Variants in SYT10 observed in about 807,000 individuals in gnomAD.
SYT10 encodes synaptotagmin 10, also known as synaptotagmin-10.
SYT10 carries 31 observed loss-of-function variants against 51.1 expected under a neutral mutation model. The observed-to-expected ratio is 0.61, with a 90% CI of 0.46 to 0.82. The LOEUF (loss-of-function observed/expected upper bound fraction) is 0.82. Ranked by LOEUF, SYT10 falls within the 40% of genes least tolerant of loss-of-function variation. SYT10 has a pLI of 0.00. For missense variants in SYT10, 603 were observed against 634.0 expected, an observed-to-expected ratio of 0.95 and a Z score of 0.53; for synonymous variants, 233 against 225.9, an observed-to-expected ratio of 1.03 and a Z score of -0.28.
rs1056050029 is a variant in SYT10 at position 33,429,645 on chromosome 12, T to C, written c.152-3150A>G. Among the ~76,000 whole-genome samples the C allele has an allele frequency of 2.0e-5, 3 of 152,082 alleles. No homozygotes were observed. The East Asian group carries it at 5.8e-4, about 29-fold the overall frequency. On this transcript the variant is annotated intron_variant, in intron 1 of 6. Coordinates refer to ENST00000228567, the MANE Select transcript of SYT10 (RefSeq NM_198992.4). ...CAAAGGAGAGAGTGTATTGGGCAGA[T>C]AAAATGATGCATCATAAGTATGACG...
At chr12:33,432,543 C>A (rs1284384665) in intron 1 of SYT10, 1 of 152,036 alleles carries the variant, frequency 6.6e-6, no homozygotes, top group Non-Finnish European at 1.5e-5. Flanking sequence ...GTTAAAACCA[C>A]TTCTCAGGTA....
intron 1 of SYT10, 76 bp from the exon 2 acceptor site, chr12:33,426,571 T>C (rs1403184691): frequency 2.5e-6 from 3 of 1,198,078 alleles, no homozygotes; most frequent in African/African-American, 1.5e-5. Context: ...ATATTTTACA[T>C]CATAATTGTT....
At chr12:33,404,470 C>A (rs144281442) in intron 3 of SYT10, among the ~76,000 whole-genome samples, 1 of 152,100 alleles carries the variant, frequency 6.6e-6, no homozygotes, top group Non-Finnish European at 1.5e-5. Context: ...CAGCTCACTG[C>A]GACCTCCGCC....
intron 2 of SYT10, among the ~76,000 whole-genome samples, chr12:33,418,498 T>C (rs1866474151): frequency 1.3e-5 from 2 of 152,250 alleles, no homozygotes; most frequent in Non-Finnish European, 2.9e-5. Context: ...GGTTGCCCAC[T>C]GAACTTGTCC....
intron 1 of SYT10, among the ~76,000 whole-genome samples, chr12:33,435,583 A>G (rs1025357029): frequency 6.6e-6 from 1 of 152,340 alleles, no homozygotes; most frequent in East Asian, 1.9e-4. Flanking sequence ...ACAAGTCTCA[A>G]GGAAAAAATT....
At chr12:33,428,618 G>A (rs1000282256) in intron 1 of SYT10, among the ~76,000 whole-genome samples, 4 of 152,148 alleles carry the variant, frequency 2.6e-5, no homozygotes, top group African/African-American at 9.7e-5. Context: ...ATTAAGAAAC[G>A]ACTGGCGGCC....
At position 33,376,645 on chromosome 12, in the gene SYT10, C is replaced by A; in HGVS notation, c.*185G>T. The stretch of plus-strand genomic sequence containing the variant: ...TATGCAACTAAGGACTATATGTATT[C>A]AAGTAAAATGTATTGATGTTCAAAG... On this transcript the variant is annotated 3_prime_UTR_variant, in exon 7 of 7. Coordinates refer to ENST00000228567, the MANE Select transcript of SYT10 (RefSeq NM_198992.4). 1 of 638,638 alleles carries A rather than the reference C, an allele frequency of 1.6e-6. No individual in the cohort carries two copies. Among genetic ancestry groups the A allele is most frequent in the Non-Finnish European group, 2.7e-6 (1 of 375,054 alleles). 39.6% of individuals were successfully genotyped at this position (638,638 alleles called of 1,614,324 possible).
intron 3 of SYT10, among the ~76,000 whole-genome samples, chr12:33,401,453 C>T (rs190499841): frequency 1.8e-4 from 28 of 152,178 alleles, no homozygotes; most frequent in African/African-American, 6.5e-4. Flanking sequence ...GAAGATTCAC[C>T]TTTATTGTTT....
chr12:33,390,993 C>T (rs6488158), intron 3 of SYT10, among the ~76,000 whole-genome samples: 3,984 of 152,068 alleles, frequency 0.026, 68 homozygotes, highest in Non-Finnish European at 0.043. Context: ...GGCTGGAGTG[C>T]GGGCAAGATC....
At chr12:33,411,087 C>A (rs1030632315) in intron 2 of SYT10, among the ~76,000 whole-genome samples, 2 of 152,126 alleles carry the variant, frequency 1.3e-5, no homozygotes, top group African/African-American at 4.8e-5. Context: ...TAAGCAGGTG[C>A]TAAAATTAAA....
chr12:33,431,607 G>T (rs1011016945), intron 1 of SYT10, among the ~76,000 whole-genome samples: 5 of 152,012 alleles, frequency 3.3e-5, no homozygotes, highest in African/African-American at 1.2e-4. Flanking sequence ...TTGCATTTTT[G>T]AAATCAGAAT....
chr12:33,411,477 AT>A (rs1406780270), intron 2 of SYT10, among the ~76,000 whole-genome samples: 1 of 152,080 alleles, frequency 6.6e-6, no homozygotes, highest in East Asian at 1.9e-4. Flanking sequence ...GTTATGATAT[AT>A]TTTATTGGAA....
intron 4 of SYT10, 100 bp from the exon 5 acceptor site, chr12:33,382,620 G>T: frequency 9.0e-7 from 1 of 1,108,466 alleles, no homozygotes; most frequent in Non-Finnish European, 1.2e-6. Context: ...TAGTACTAAG[G>T]CCTATATTAA....
intron 3 of SYT10, among the ~76,000 whole-genome samples, chr12:33,402,518 C>T (rs1173901466): frequency 6.6e-6 from 1 of 152,200 alleles, no homozygotes; most frequent in Non-Finnish European, 1.5e-5. Context: ...ATAATTTACA[C>T]TGAGGCATAT....
intron 2 of SYT10, among the ~76,000 whole-genome samples, chr12:33,421,105 G>A (rs770352599): frequency 1.1e-4 from 16 of 152,022 alleles, no homozygotes; most frequent in East Asian, 1.9e-4. Context: ...AGTTAACTAT[G>A]GAGTCTCATT....
chr12:33,380,024 A>C, intron 5 of SYT10, 63 bp from the exon 6 acceptor site: 1 of 1,514,244 alleles, frequency 6.6e-7, no homozygotes, highest in Non-Finnish European at 8.9e-7. Flanking sequence ...GGTTTCACAA[A>C]TCGTAGTAGA....
intron 2 of SYT10, among the ~76,000 whole-genome samples, chr12:33,414,765 A>C (rs1313114677): frequency 6.6e-6 from 1 of 152,214 alleles, no homozygotes; most frequent in African/African-American, 2.4e-5. Context: ...TCACCATCTT[A>C]TTCTTCAAAT....
chr12:33,414,167 C>G (rs1249920103), intron 2 of SYT10, among the ~76,000 whole-genome samples: 1 of 152,120 alleles, frequency 6.6e-6, no homozygotes, highest in African/African-American at 2.4e-5. Context: ...AATACAGGAG[C>G]ACCCAGATTC....
At chr12:33,392,221 T>A (rs1037703242) in intron 3 of SYT10, among the ~76,000 whole-genome samples, 2 of 152,162 alleles carry the variant, frequency 1.3e-5, no homozygotes, top group Admixed American at 6.5e-5. Flanking sequence ...ATCAAATGTA[T>A]CCCTAAGGTC....
Sources: gnomAD v4.1 joint callset for allele counts (sites outside exome capture counted in the v4.1 genomes callset) on GRCh38, gnomAD v4.1.1 for gene constraint, MANE v1.5 for transcripts, NCBI Gene and HGNC (gene_info 2026-07-23, HGNC 2026-07-21) for gene names.